The following PRDM4 variants were observed in gnomAD, a reference collection of about 807,000 sequenced individuals.
PRDM4 encodes PR domain zinc finger protein 4.
PRDM4 carries 38 observed loss-of-function variants against 62.3 expected under a neutral mutation model. The ratio of observed to expected loss-of-function variants is 0.61; its 90% CI spans 0.47 to 0.80. The LOEUF is 0.80. Ranked by LOEUF, PRDM4 falls within the 30% of genes least tolerant of loss-of-function variation. The pLI, the probability that PRDM4 is intolerant of heterozygous loss-of-function variation, is 0.00. For missense variants in PRDM4, 858 were observed against 997.1 expected, an observed-to-expected ratio of 0.86 and a Z score of 1.88; for synonymous variants, 339 against 348.2, an observed-to-expected ratio of 0.97 and a Z score of 0.30.
chr12:107,743,865 G>C lies in PRDM4; in HGVS notation c.1396-583C>G, dbSNP rs900709548. Among the ~76,000 whole-genome samples, 6 of 152,176 alleles carry C rather than the reference G, an allele frequency of 3.9e-5. 1 individual carries two copies. The highest frequency in any genetic ancestry group is 3.9e-4 in the East Asian group (2 of 5,168). Reference sequence around the variant, plus strand: ...TGCGGTGGCTCACACCTGTAATCCCGGCACTTTGGGAGGCTGAGGTGGGCA... The same window carrying C: ...TGCGGTGGCTCACACCTGTAATCCCCGCACTTTGGGAGGCTGAGGTGGGCA... On this transcript the variant is annotated intron_variant, in intron 7 of 11. Transcript: ENST00000228437.
intron 7 of PRDM4, among the ~76,000 whole-genome samples, chr12:107,743,951 C>T (rs1209066463): frequency 2.0e-5 from 3 of 151,682 alleles, no homozygotes; most frequent in African/African-American, 7.3e-5. Context: ...CCCGTCTCTA[C>T]AAAAATACAA....
intron 3 of PRDM4, among the ~76,000 whole-genome samples, chr12:107,756,077 C>T (rs577999448): frequency 5.3e-5 from 8 of 150,200 alleles, no homozygotes; most frequent in South Asian, 2.1e-4. Flanking sequence ...TCGACAAGAG[C>T]GAAACTCCAT....
At chr12:107,759,195 C>T (rs1440269343) in intron 2 of PRDM4, among the ~76,000 whole-genome samples, 1 of 152,068 alleles carries the variant, frequency 6.6e-6, no homozygotes, top group Non-Finnish European at 1.5e-5. Flanking sequence ...GTCGGGGCTA[C>T]AGTGAGCTCT....
intron 2 of PRDM4, among the ~76,000 whole-genome samples, chr12:107,759,603 T>A: frequency 6.6e-6 from 1 of 152,234 alleles, no homozygotes; most frequent in East Asian, 1.9e-4. Flanking sequence ...GCTCAGCAGA[T>A]TTCTGCTTTG....
intron 3 of PRDM4, among the ~76,000 whole-genome samples, chr12:107,756,578 T>C (rs938601664): frequency 1.3e-5 from 2 of 152,214 alleles, no homozygotes; most frequent in Non-Finnish European, 2.9e-5. Context: ...ATTACAGCTC[T>C]GGACAAAAAG....
At chr12:107,747,939 G>A (rs1890766819) in intron 5 of PRDM4, among the ~76,000 whole-genome samples, 4 of 152,104 alleles carry the variant, frequency 2.6e-5, no homozygotes, top group Admixed American at 2.6e-4. Flanking sequence ...TTTTGCTAGA[G>A]ACAGGGTTTT....
rs1322066410 is a variant in PRDM4 at position 107,740,969 on chromosome 12, C to T, written c.1901G>A (p.Arg634Gln). The stretch of plus-strand genomic sequence containing the variant: ...ACCTGTATGTATCTTGAGGTGGGTC[C>T]GCAGGTTGCTGGGATCACTAAAAGC... ...SKAFSDPSNL[R>Q]THLKIHTGQK... The change falls in exon 10 of 12, where the codon CGG becomes CAG. Residue 634 changes from arginine to glutamine, a missense_variant. Coordinates refer to ENST00000228437, the MANE Select transcript of PRDM4 (RefSeq NM_012406.4). 3 of 1,613,908 alleles carry T rather than the reference C, an allele frequency of 1.9e-6. No individual in the cohort carries two copies. Among genetic ancestry groups the T allele is most frequent in the African/African-American group, 1.3e-5 (1 of 75,008 alleles).
chr12:107,735,892 C>T (rs1418096666), intron 11 of PRDM4, among the ~76,000 whole-genome samples: 1 of 151,946 alleles, frequency 6.6e-6, no homozygotes, highest in Non-Finnish European at 1.5e-5. Flanking sequence ...GCCTGGCTTC[C>T]TTAGCATTTC....
At position 107,734,000 on chromosome 12, in the gene PRDM4, A is replaced by G. The variant is rs575871580; in HGVS notation, c.*210T>C. 1.9e-6 allele frequency: 1 copy of G among 539,988 alleles called. No individual in the cohort carries two copies. The highest frequency in any genetic ancestry group is 1.9e-5 in the African/African-American group (1 of 52,100). The allele number at this position is 539,988 out of a possible 1,614,324, so 33.4% of individuals were successfully genotyped here. A position where few individuals can be genotyped will look rare whatever the true frequency, so the allele number is the denominator to read the frequency against. On this transcript the variant is annotated 3_prime_UTR_variant, in exon 12 of 12. Transcript: ENST00000228437. ...CTTCCCTCCCAGTCCACCACTTAAA[A>G]CAGGACACATGCTCAGTTTTCCCAA...
rs1278077574 is a variant in PRDM4 at position 107,741,183 on chromosome 12, G to C, written c.1687C>G (p.Leu563Val). 1.9e-6 allele frequency: 3 copies of C among 1,614,126 alleles called. No individual in the cohort carries two copies. The highest frequency in any genetic ancestry group is 1.7e-5 in the Admixed American group (1 of 60,014). The change falls in exon 10 of 12, where the codon CTG becomes GTG. Residue 563 changes from leucine to valine, a missense_variant. This residue lies in a region of PRDM4 where 355 missense variants were observed against 432.6 expected (regional missense o/e 0.82). Transcript: ENST00000228437. ...CNSYTEFKAHLTSHIHNHLPT... is the reference protein window; with the variant it reads ...CNSYTEFKAHVTSHIHNHLPT... Reference sequence around the variant, plus strand: ...AGATGGTTATGGATGTGGCTGGTCAGATGGGCTTTGAACTCTGTGTAAGAA... The same window carrying C: ...AGATGGTTATGGATGTGGCTGGTCACATGGGCTTTGAACTCTGTGTAAGAA...
intron 11 of PRDM4, among the ~76,000 whole-genome samples, chr12:107,735,089 C>T (rs1170707051): frequency 6.6e-6 from 1 of 152,156 alleles, no homozygotes; most frequent in African/African-American, 2.4e-5. Flanking sequence ...CAGCCTTGAA[C>T]TCCTGGGCTC....
At chr12:107,753,548 A>C (rs1209125965) in intron 4 of PRDM4, among the ~76,000 whole-genome samples, 1 of 152,230 alleles carries the variant, frequency 6.6e-6, no homozygotes, top group Non-Finnish European at 1.5e-5. Flanking sequence ...TTCCGCAATA[A>C]GCATATAATA....
chr12:107,745,622 T>C (rs1406175525), intron 6 of PRDM4, among the ~76,000 whole-genome samples: 1 of 152,180 alleles, frequency 6.6e-6, no homozygotes, highest in African/African-American at 2.4e-5. Context: ...CATTATTCTA[T>C]TGTAAAAATA....
Position 107,742,367 on chromosome 12 carries a change from T to TA in PRDM4, c.1482-20dup, listed in dbSNP as rs541008593. On this transcript the variant is annotated intron_variant, in intron 8 of 11. Coordinates refer to ENST00000228437, the MANE Select transcript of PRDM4 (RefSeq NM_012406.4). Reference sequence around the variant, plus strand: ...CCGGTTCCTGAGTTATCACATTTAATAGATCAAGCACATTAATTTTGAAAT... The same window carrying TA: ...CCGGTTCCTGAGTTATCACATTTAATAAGATCAAGCACATTAATTTTGAAAT... 374 of 1,612,502 alleles carry TA rather than the reference T, an allele frequency of 2.3e-4. No individual in the cohort carries two copies. In the Middle Eastern group the frequency reaches 2.6e-3, roughly 11 times the overall value.
At position 107,734,196 on chromosome 12, in the gene PRDM4, T is replaced by A; in HGVS notation, c.*14A>T. 6.4e-7 allele frequency: 1 copy of A among 1,567,110 alleles called. No homozygotes were observed. Among genetic ancestry groups the A allele is most frequent in the East Asian group, 2.3e-5 (1 of 44,352 alleles). ...ATTTGCATTTTCATCCAAAATTGCT[T>A]GTTTCTTTTCCTTTTATTTATGTGC... On this transcript the variant is annotated 3_prime_UTR_variant, in exon 12 of 12. Coordinates refer to ENST00000228437, the MANE Select transcript of PRDM4 (RefSeq NM_012406.4).
chr12:107,760,398 C>T (rs1891202754), intron 2 of PRDM4, 107 bp downstream of exon 2: 2 of 1,444,716 alleles, frequency 1.4e-6, no homozygotes, highest in East Asian at 2.4e-5. Flanking sequence ...GCAAATCACA[C>T]CTGTAACCTT....
At chr12:107,739,777 G>T in intron 10 of PRDM4, 1 of 341,070 alleles carries the variant, frequency 2.9e-6, no homozygotes. Context: ...TAGGACCTCT[G>T]ACCTAAATAT....
intron 11 of PRDM4, among the ~76,000 whole-genome samples, chr12:107,735,421 C>T (rs930065562): frequency 9.9e-5 from 15 of 152,142 alleles, no homozygotes; most frequent in South Asian, 2.1e-4. Flanking sequence ...CTCATTACAC[C>T]GTTATTTGTA....
chr12:107,736,664 T>C (rs1890339460), intron 11 of PRDM4: 1 of 152,244 alleles, frequency 6.6e-6, no homozygotes, highest in Non-Finnish European at 1.5e-5. Context: ...TTGAAATGGA[T>C]TGCTCTGGCA....
Sources: allele counts gnomAD v4.1 joint callset (sites outside exome capture counted in the v4.1 genomes callset), GRCh38; gene constraint gnomAD v4.1.1; regional missense constraint gnomAD v4.1.1; transcripts MANE v1.5; gene names NCBI Gene and HGNC (gene_info 2026-07-23, HGNC 2026-07-21).